Variants in KLHL23 observed in about 807,000 individuals in gnomAD.
The protein encoded by KLHL23 is kelch-like protein 23.
A neutral mutation model predicts 48.9 loss-of-function variants in KLHL23; 33 were observed. That is an observed-to-expected ratio of 0.67 (90% CI 0.51 to 0.90). KLHL23 has a LOEUF of 0.90. KLHL23 is among the 40% of genes least tolerant of loss of function. The pLI is 0.00. For missense variants in KLHL23, 608 were observed against 669.6 expected (o/e 0.91, Z 1.02); for synonymous variants, 234 against 231.6 (o/e 1.01, Z -0.09).
At chr2:169,741,205 ACC>A in intron 2 of KLHL23, 178 bp from the exon 3 acceptor site, 1 of 657,340 alleles carries the variant, frequency 1.5e-6, no homozygotes, top group South Asian at 3.3e-5. Flanking sequence ...TGCACGTCTC[ACC>A]CTCTCTTAAG....
intron 3 of KLHL23, among the ~76,000 whole-genome samples, chr2:169,748,543 A>G (rs896461141): frequency 2.0e-5 from 3 of 152,182 alleles, no homozygotes; most frequent in African/African-American, 7.2e-5. Context: ...GAGGCAAATG[A>G]GATGCTTCAG....
At chr2:169,742,215 C>T (rs115765944) in intron 3 of KLHL23, among the ~76,000 whole-genome samples, 2,772 of 152,284 alleles carry the variant, frequency 0.018, 38 homozygotes, top group Non-Finnish European at 0.024. Flanking sequence ...ATCGTACCAC[C>T]ATGTTACCTT....
rs550562416 is a variant in KLHL23, at chr2:169,743,975, C to T, written c.1366+2438C>T. On this transcript the variant is annotated intron_variant, in intron 3 of 3. Transcript: ENST00000392647. ...TGCTTACACTGAGAAGAAATGACTA[C>T]TATTATTTTTTAAAGATAATATAAG... 2.2e-4 allele frequency among the ~76,000 whole-genome samples: 33 copies of T among 152,246 alleles called. No homozygotes were observed. In the South Asian group the frequency reaches 5.8e-3, roughly 27 times the overall value.
At position 169,736,127 on chromosome 2, in the gene KLHL23, C is replaced by T; in HGVS notation, c.1113C>T (p.Val371=). 6.2e-7 allele frequency: 1 copy of T among 1,614,100 alleles called. No individual in the cohort carries two copies. The highest frequency in any genetic ancestry group is 1.3e-5 in the African/African-American group (1 of 75,032). Residue 371 remains valine (V), a synonymous_variant, in exon 2 of 4, where the codon GTC becomes GTT. Transcript: ENST00000392647. ...GTGCAGTCACCTTGGGTGGCTGTGT[C>T]TATGCTTTAGGTGGTTACAGAAAAG... The part of the protein sequence containing the change: ...YHCAVTLGGC[V]YALGGYRKGA...
chr2:169,742,087 G>A (rs1248789518), intron 3 of KLHL23, among the ~76,000 whole-genome samples: 2 of 152,204 alleles, frequency 1.3e-5, no homozygotes, highest in African/African-American at 4.8e-5. Context: ...CTACCTTCTT[G>A]GATGTCTTCT....
chr2:169,741,516 A>G lies in KLHL23; in HGVS notation c.1345A>G (p.Ile449Val), dbSNP rs1281722877. The G allele has an allele frequency of 1.2e-6, 2 of 1,613,744 alleles. No homozygotes were observed. The highest frequency in any genetic ancestry group is 4.5e-5 in the East Asian group (2 of 44,898). ...YNSDINEWSL[I>V]TSSPHPEYGL... is the part of the protein sequence containing the mutation. The stretch of plus-strand genomic sequence containing the variant: ...TTCCGATATCAACGAATGGAGCCTC[A>G]TCACCTCCAGTCCACATCCAGGTAA... The change falls in exon 3 of 4, where the codon ATC becomes GTC. Residue 449 changes from isoleucine (I) to valine (V), a missense_variant. Ile to Val is a conservative substitution (Grantham distance 29). Coordinates refer to ENST00000392647, the MANE Select transcript of KLHL23 (RefSeq NM_144711.6).
rs1291548331 is a variant in KLHL23, at chr2:169,741,415, A to G, written c.1244A>G (p.His415Arg). 2 of 1,613,688 alleles carry G rather than the reference A, an allele frequency of 1.2e-6. No individual in the cohort carries two copies. Among genetic ancestry groups the G allele is most frequent in the East Asian group, 4.5e-5 (2 of 44,870 alleles). Residue 415 changes from histidine to arginine, a missense_variant, in exon 3 of 4, where the codon CAT becomes CGT. His to Arg is a conservative substitution (Grantham distance 29). Coordinates refer to ENST00000392647, the MANE Select transcript of KLHL23 (RefSeq NM_144711.6). The part of the protein sequence containing the change: ...GVGNATACVL[H>R]DVIYVIGGHC... Reference sequence around the variant, plus strand: ...GGAAATGCTACTGCCTGTGTCTTACATGATGTTATCTACGTCATTGGTGGC... The same window carrying G: ...GGAAATGCTACTGCCTGTGTCTTACGTGATGTTATCTACGTCATTGGTGGC...
intron 2 of KLHL23, among the ~76,000 whole-genome samples, chr2:169,740,103 A>G: frequency 6.6e-6 from 1 of 152,242 alleles, no homozygotes; most frequent in South Asian, 2.1e-4. Flanking sequence ...ACATTACTGT[A>G]CACTACTGTA....
intron 3 of KLHL23, 105 bp downstream of exon 3, chr2:169,741,642 A>ATTTAATT: frequency 7.4e-7 from 1 of 1,347,766 alleles, no homozygotes; most frequent in South Asian, 1.6e-5. Flanking sequence ...TTTATTGTAG[A>ATTTAATT]CTACACATGG....
At chr2:169,740,418 A>C (rs1241468984) in intron 2 of KLHL23, among the ~76,000 whole-genome samples, 1 of 151,462 alleles carries the variant, frequency 6.6e-6, no homozygotes, top group Non-Finnish European at 1.5e-5. Flanking sequence ...TATATAGCTT[A>C]TAAAAATACT....
intron 2 of KLHL23, among the ~76,000 whole-genome samples, chr2:169,739,941 A>G (rs1558947242): frequency 1.3e-5 from 2 of 152,188 alleles, no homozygotes; most frequent in Non-Finnish European, 2.9e-5. Context: ...GTCTTTGTGT[A>G]TCTAAACATA....
chr2:169,736,764 G>A (rs1047993413), intron 2 of KLHL23, among the ~76,000 whole-genome samples: 8 of 152,188 alleles, frequency 5.3e-5, no homozygotes, highest in Admixed American at 4.6e-4. Flanking sequence ...TGTGTTTGGC[G>A]ATTTGTTTGC....
chr2:169,734,996 T>C lies in KLHL23; in HGVS notation c.-2-17T>C, dbSNP rs1188751822. ...TGCAACATTGAAAACACATTTGTTA[T>C]TTCATATTTATTGCAGCCATGGCTC... On this transcript the variant is annotated splice_polypyrimidine_tract_variant and intron_variant, in intron 1 of 3. Coordinates refer to ENST00000392647, the MANE Select transcript of KLHL23 (RefSeq NM_144711.6). 2 of 1,518,482 alleles carry C rather than the reference T, an allele frequency of 1.3e-6. No homozygotes were observed. The highest frequency in any genetic ancestry group is 4.6e-5 in the East Asian group (2 of 43,654). 94.1% of individuals were successfully genotyped at this position (1,518,482 alleles called of 1,614,324 possible).
At position 169,735,674 on chromosome 2, in the gene KLHL23, T is replaced by C; in HGVS notation, c.660T>C (p.Tyr220=). ...HDVENRIECL[Y]NLLSYINIDI... ...TAGAAAATCGAATTGAATGCCTCTA[T>C]AATCTACTGAGCTATATCAACATTG... The change falls in exon 2 of 4, where the codon TAT becomes TAC. Residue 220 remains tyrosine (Y), a synonymous_variant. Transcript: ENST00000392647. The surrounding 1 kb of genome is among the most constrained non-coding windows in gnomAD (Gnocchi z 4.5). 1 of 1,614,026 alleles carries C rather than the reference T, an allele frequency of 6.2e-7. No homozygotes were observed. Among genetic ancestry groups the C allele is most frequent in the Non-Finnish European group, 8.5e-7 (1 of 1,180,034 alleles).
intron 3 of KLHL23, among the ~76,000 whole-genome samples, chr2:169,747,262 A>G (rs1558950359): frequency 1.3e-5 from 2 of 151,784 alleles, no homozygotes; most frequent in Non-Finnish European, 2.9e-5. Flanking sequence ...TACAGTGCAC[A>G]CCTGTAATCT....
intron 2 of KLHL23, among the ~76,000 whole-genome samples, chr2:169,738,361 C>T (rs942837707): frequency 5.9e-5 from 9 of 152,106 alleles, no homozygotes; most frequent in Admixed American, 3.3e-4. Context: ...CCTACCTTGG[C>T]CTCCCAAAGT....
At position 169,749,869 on chromosome 2, in the gene KLHL23, C is replaced by G; in HGVS notation, c.*137C>G. The stretch of plus-strand genomic sequence containing the variant: ...GGATCAGTAAATTGTAATTCCTAAC[C>G]CTACTGTACTCCCAAACATGGTGAT... On this transcript the variant is annotated 3_prime_UTR_variant, in exon 4 of 4. Transcript: ENST00000392647. 1.1e-6 allele frequency: 1 copy of G among 949,402 alleles called. No homozygotes were observed. The highest frequency in any genetic ancestry group is 1.5e-6 in the Non-Finnish European group (1 of 677,222). 58.8% of individuals were successfully genotyped at this position (949,402 alleles called of 1,614,324 possible).
chr2:169,733,910 G>C lies in KLHL23; in HGVS notation c.-180G>C, dbSNP rs1393076721. On this transcript the variant is annotated 5_prime_UTR_variant, in exon 1 of 4. Coordinates refer to ENST00000392647, the MANE Select transcript of KLHL23 (RefSeq NM_144711.6). ...GCCCAGACCGTGCGGGGGGCTGTTC[G>C]GGTGGAGGCGGGGGAGCCGCCGGGA... 1 of 152,078 alleles carries C rather than the reference G, an allele frequency of 6.6e-6. No individual in the cohort carries two copies. The allele number at this position is 152,078 out of a possible 1,614,324, so 9.4% of individuals were successfully genotyped here. A position where few individuals can be genotyped will look rare whatever the true frequency, so the allele number is the denominator to read the frequency against.
chr2:169,740,095 A>G (rs1451319406), intron 2 of KLHL23, among the ~76,000 whole-genome samples: 1 of 152,136 alleles, frequency 6.6e-6, no homozygotes, highest in African/African-American at 2.4e-5. Flanking sequence ...GGCCTAGGAC[A>G]TTACTGTACA....
Sources: allele counts gnomAD v4.1 joint callset (sites outside exome capture counted in the v4.1 genomes callset), GRCh38; gene constraint gnomAD v4.1.1; non-coding constraint Gnocchi (gnomAD v3.1); transcripts MANE v1.5; gene names NCBI Gene and HGNC (gene_info 2026-07-23, HGNC 2026-07-21).